Variants in ZNF786 observed in about 807,000 individuals in gnomAD.
ZNF786 encodes the protein zinc finger protein 786.
In ZNF786, 56 loss-of-function variants were observed where a neutral mutation model predicts 63.1. That is an observed-to-expected ratio of 0.89 (90% CI 0.72 to 1.11). The LOEUF (loss-of-function observed/expected upper bound fraction) is 1.11, where lower values mean the gene tolerates loss of function less well. Among genes scored for constraint, ZNF786 ranks in the 50% least tolerant of loss-of-function variants. The probability of loss-of-function intolerance (pLI) is 0.00; values close to 1 mark genes in which losing one functional copy is unlikely to be tolerated. For synonymous variants in ZNF786, 485 were observed against 406.9 expected (o/e 1.19, Z -2.31); for missense variants, 1,213 against 1,041.8 (o/e 1.16, Z -2.26).
intron 2 of ZNF786, among the ~76,000 whole-genome samples, chr7:149,076,451 G>A (rs908617079): frequency 1.3e-5 from 2 of 149,460 alleles, no homozygotes. Flanking sequence ...AGACCAGGCC[G>A]GGCGCAGTGG....
intron 1 of ZNF786, among the ~76,000 whole-genome samples, chr7:149,088,128 G>A (rs888728776): frequency 5.3e-5 from 8 of 151,614 alleles, no homozygotes; most frequent in Non-Finnish European, 7.4e-5. Flanking sequence ...TCAGCCTCTC[G>A]AGTATCTGGG....
intron 1 of ZNF786, among the ~76,000 whole-genome samples, chr7:149,083,856 CA>C (rs1825689862): frequency 6.6e-6 from 1 of 152,152 alleles, no homozygotes; most frequent in Non-Finnish European, 1.5e-5. Context: ...CATCTTTCTG[CA>C]AAGGATATGA....
chr7:149,072,923 T>C (rs758490892), intron 3 of ZNF786, among the ~76,000 whole-genome samples: 2 of 152,206 alleles, frequency 1.3e-5, no homozygotes, highest in African/African-American at 4.8e-5. Flanking sequence ...TGTTTAAGTG[T>C]TGGCTGTTCT....
Sources: allele counts gnomAD v4.1 joint callset (sites outside exome capture counted in the v4.1 genomes callset), GRCh38; gene constraint gnomAD v4.1.1; transcripts MANE v1.5; gene names NCBI Gene and HGNC (gene_info 2026-07-23, HGNC 2026-07-21).